PCM1: variants seen among roughly 807,000 people sequenced by gnomAD.
PCM1 encodes the protein pericentriolar material 1.
A neutral mutation model predicts 241.9 loss-of-function variants in PCM1; 157 were observed. That is an observed-to-expected ratio of 0.65 (90% confidence interval 0.57 to 0.74). The LOEUF (loss-of-function observed/expected upper bound fraction) is 0.74, where lower values mean the gene tolerates loss of function less well. PCM1 is among the 30% of genes least tolerant of loss of function. The probability of loss-of-function intolerance (pLI) is 0.00; values close to 1 mark genes in which losing one functional copy is unlikely to be tolerated. For missense variants in PCM1, 3,478 were observed against 2,360.1 expected (o/e 1.47, Z -9.81); for synonymous variants, 1,085 against 784.9 (o/e 1.38, Z -6.39).
At chr8:17,936,952 AG>A (rs1448307227) in intron 3 of PCM1, among the ~76,000 whole-genome samples, 181 bp from the exon 4 acceptor site, 2 of 152,204 alleles carry the variant, frequency 1.3e-5, no homozygotes, top group African/African-American at 4.8e-5. Context: ...TATAAAATTA[AG>A]GTAGATGTAA....
intron 29 of PCM1, among the ~76,000 whole-genome samples, chr8:17,999,576 C>T (rs1304780935): frequency 6.6e-6 from 1 of 152,072 alleles, no homozygotes; most frequent in Non-Finnish European, 1.5e-5. Flanking sequence ...CTCGTCTCCT[C>T]AAGCAGAAGG....
At chr8:18,022,604 G>A (rs2093844748) in intron 36 of PCM1, among the ~76,000 whole-genome samples, 1 of 152,220 alleles carries the variant, frequency 6.6e-6, no homozygotes, top group Non-Finnish European at 1.5e-5. Context: ...GCAAAGGTAT[G>A]TCCTGTAACT....
chr8:17,942,771 G>A (rs1022889771), intron 6 of PCM1, among the ~76,000 whole-genome samples: 5 of 152,050 alleles, frequency 3.3e-5, no homozygotes, highest in African/African-American at 4.8e-5. Flanking sequence ...CGAGGCAGGC[G>A]GATCACGAGG....
intron 17 of PCM1, 65 bp downstream of exon 17, chr8:17,963,356 G>C (rs564729658): frequency 2.5e-6 from 3 of 1,215,810 alleles, no homozygotes; most frequent in African/African-American, 3.1e-5. Context: ...CTGTAGGCTA[G>C]GCAGCCACAT....
At position 18,019,585 on chromosome 8, in the gene PCM1, T is replaced by A. The variant is rs148299173; in HGVS notation, c.5841+4745T>A. 1.4e-3 allele frequency among the ~76,000 whole-genome samples: 211 copies of A among 152,258 alleles called. 1 individual carries two copies. Among genetic ancestry groups the A allele is most frequent in the African/African-American group, 4.9e-3 (202 of 41,562 alleles). On this transcript the variant is annotated intron_variant, in intron 36 of 38. Transcript: ENST00000325083. ...AGAGATAATGACACAGCATCAGGCATTAGAGTCTCATAAGGAGCACGCAAC... is the reference window on the plus strand; with the variant it reads ...AGAGATAATGACACAGCATCAGGCAATAGAGTCTCATAAGGAGCACGCAAC...
At position 17,960,113 on chromosome 8, in the gene PCM1, A is replaced by G. The variant is rs770062039; in HGVS notation, c.2140A>G (p.Arg714Gly). 3 of 1,602,124 alleles carry G rather than the reference A, an allele frequency of 1.9e-6. No homozygotes were observed. Among genetic ancestry groups the G allele is most frequent in the Non-Finnish European group, 2.6e-6 (3 of 1,173,146 alleles). ...CACCAAGCAAAATTCAAATAACACT[A>G]GAGGAAATGCCAATAAAACACAGAA... ...EDTKQNSNNT[R>G]GNANKTQKDT... Residue 714 changes from arginine to glycine, a missense_variant, in exon 14 of 39, where the codon AGA becomes GGA. Transcript: ENST00000325083.
intron 17 of PCM1, among the ~76,000 whole-genome samples, 199 bp from the exon 18 acceptor site, chr8:17,964,369 T>C (rs534549711): frequency 1.2e-4 from 19 of 152,330 alleles, no homozygotes; most frequent in Admixed American, 1.1e-3. Flanking sequence ...AGAATTGTTT[T>C]GAGGAAGGCA....
chr8:17,948,452 G>T (rs371105442), intron 7 of PCM1, among the ~76,000 whole-genome samples: 2 of 151,468 alleles, frequency 1.3e-5, no homozygotes, highest in South Asian at 2.1e-4. Flanking sequence ...TTACAGGTGC[G>T]CACCACCATG....
At position 17,962,140 on chromosome 8, in the gene PCM1, T is replaced by C. The variant is rs2072572525; in HGVS notation, c.2429T>C (p.Phe810Ser). Residue 810 changes from phenylalanine (F) to serine (S), a missense_variant, in exon 16 of 39, where the codon TTT becomes TCT. Coordinates refer to ENST00000325083, the MANE Select transcript of PCM1 (RefSeq NM_006197.4). ...QHETSTSKSVFEPEDSSIVDN... is the reference protein window; with the variant it reads ...QHETSTSKSVSEPEDSSIVDN... ...GAGACCAGTACAAGCAAATCTGTTT[T>C]TGAGCCTGAAGATTCTTCAATAGTA... 6.2e-7 allele frequency: 1 copy of C among 1,609,354 alleles called. No homozygotes were observed. The highest frequency in any genetic ancestry group is 8.5e-7 in the Non-Finnish European group (1 of 1,177,182).
intron 30 of PCM1, among the ~76,000 whole-genome samples, chr8:18,006,664 T>G (rs1285145886): frequency 6.6e-6 from 1 of 152,232 alleles, no homozygotes; most frequent in Non-Finnish European, 1.5e-5. Flanking sequence ...GTTTATCTTC[T>G]CACTGAAAAC....
intron 6 of PCM1, 186 bp downstream of exon 6, chr8:17,940,047 A>C: frequency 1.9e-6 from 3 of 1,564,830 alleles, no homozygotes; most frequent in Non-Finnish European, 1.7e-6. Context: ...TTCAGGCTAG[A>C]GAAAATGAGG....
chr8:18,001,774 G>A (rs2089508421), intron 29 of PCM1, among the ~76,000 whole-genome samples: 1 of 152,036 alleles, frequency 6.6e-6, no homozygotes. Flanking sequence ...CTCAGCAGAA[G>A]TAATTGCTTT....
chr8:17,961,001 A>C (rs1054343312), intron 15 of PCM1, among the ~76,000 whole-genome samples: 1 of 152,136 alleles, frequency 6.6e-6, no homozygotes, highest in Non-Finnish European at 1.5e-5. Context: ...TGTACTCATA[A>C]CTGTTTATTA....
At chr8:17,960,863 G>A (rs1726341550) in intron 15 of PCM1, among the ~76,000 whole-genome samples, 1 of 151,986 alleles carries the variant, frequency 6.6e-6, no homozygotes, top group South Asian at 2.1e-4. Flanking sequence ...TAGTAATTTT[G>A]TGATTAATGA....
In PCM1 at chr8:17,960,527, G is replaced by GTTTT; in HGVS notation, c.2322+85_2322+88dup. ...ACTGAAAGTACTCTTTTTTGTTTTT[G>GTTTT]TTTTTCTTTTTTTTTGAGGCAGAGT... On this transcript the variant is annotated intron_variant, in intron 15 of 38. Coordinates refer to ENST00000325083, the MANE Select transcript of PCM1 (RefSeq NM_006197.4). 4 of 412,974 alleles carry GTTTT rather than the reference G, an allele frequency of 9.7e-6. No individual in the cohort carries two copies. The East Asian group carries it at 1.5e-4, about 16-fold the overall frequency. 25.6% of individuals were successfully genotyped at this position (412,974 alleles called of 1,614,324 possible).
At chr8:17,969,068 A>AT (rs1564032065) in intron 21 of PCM1, among the ~76,000 whole-genome samples, 1 of 150,022 alleles carries the variant, frequency 6.7e-6, no homozygotes, top group African/African-American at 2.4e-5. Context: ...GCTCTGATAC[A>AT]TAACAGTATT....
chr8:17,986,549 T>G (rs1430220429), intron 26 of PCM1, among the ~76,000 whole-genome samples: 1 of 150,306 alleles, frequency 6.7e-6, no homozygotes, highest in Non-Finnish European at 1.5e-5. Flanking sequence ...TTCTAATTCA[T>G]GGAGAAAATT....
intron 29 of PCM1, among the ~76,000 whole-genome samples, chr8:17,997,993 G>A (rs2087571431): frequency 6.7e-6 from 1 of 150,342 alleles, no homozygotes; most frequent in Admixed American, 6.6e-5. Flanking sequence ...CCGAGATTGT[G>A]CCACCACACT....
intron 24 of PCM1, among the ~76,000 whole-genome samples, chr8:17,984,297 C>A (rs762494021): frequency 2.6e-5 from 4 of 151,802 alleles, no homozygotes; most frequent in Non-Finnish European, 4.4e-5. Flanking sequence ...GTTTGCATAT[C>A]AAAATTCTTT....
Sources: allele counts gnomAD v4.1 joint callset (sites outside exome capture counted in the v4.1 genomes callset), GRCh38; gene constraint gnomAD v4.1.1; transcripts MANE v1.5; gene names NCBI Gene and HGNC (gene_info 2026-07-23, HGNC 2026-07-21).